GTF2IRD1: variants seen among roughly 807,000 people sequenced by gnomAD.
GTF2IRD1 encodes general transcription factor II-I repeat domain-containing protein 1.
In GTF2IRD1, 26 loss-of-function variants were observed where a neutral mutation model predicts 113.2. That is an observed-to-expected ratio of 0.23 (90% CI 0.17 to 0.32). The LOEUF is 0.32. Ranked by LOEUF, GTF2IRD1 falls within the 10% of genes least tolerant of loss-of-function variation. The probability of loss-of-function intolerance (pLI) is 1.00; values close to 1 mark genes in which losing one functional copy is unlikely to be tolerated. For synonymous variants in GTF2IRD1, 484 were observed against 529.1 expected (o/e 0.91, Z 1.17); for missense variants, 864 against 1,280.8 (o/e 0.67, Z 4.97).
chr7:74,532,768 C>T (rs61732196), intron 9 of GTF2IRD1, among the ~76,000 whole-genome samples: 1 of 152,152 alleles, frequency 6.6e-6, no homozygotes, highest in African/African-American at 2.4e-5. Context: ...AGCCTTGCAC[C>T]CCCGGCTCTG....
At chr7:74,557,049 T>C (rs1799642833) in intron 19 of GTF2IRD1, among the ~76,000 whole-genome samples, 1 of 152,124 alleles carries the variant, frequency 6.6e-6, no homozygotes, top group Non-Finnish European at 1.5e-5. Context: ...GAGGCCAGCC[T>C]GGGCAACATG....
chr7:74,471,540 G>A (rs1048328472), intron 1 of GTF2IRD1, among the ~76,000 whole-genome samples: 19 of 151,928 alleles, frequency 1.3e-4, no homozygotes, highest in African/African-American at 2.7e-4. Context: ...GCCAGGCACT[G>A]TGGCTTGCAC....
chr7:74,472,729 G>A (rs1794184145), intron 1 of GTF2IRD1, among the ~76,000 whole-genome samples: 1 of 152,216 alleles, frequency 6.6e-6, no homozygotes, highest in Admixed American at 6.5e-5. Context: ...TCCAGCCTGG[G>A]CAACAAGAGC....
chr7:74,591,452 C>T (rs1802059322), intron 24 of GTF2IRD1, among the ~76,000 whole-genome samples: 1 of 145,364 alleles, frequency 6.9e-6, no homozygotes, highest in Non-Finnish European at 1.5e-5. Flanking sequence ...GATCTCAGCT[C>T]ACTGCACGCT....
intron 4 of GTF2IRD1, among the ~76,000 whole-genome samples, chr7:74,517,365 C>G (rs890284956): frequency 6.6e-6 from 1 of 150,420 alleles, no homozygotes; most frequent in East Asian, 2.0e-4. Context: ...TGCTCCCTCT[C>G]CACTTCCTCT....
chr7:74,470,039 C>T (rs1793985068), intron 1 of GTF2IRD1, among the ~76,000 whole-genome samples: 1 of 152,048 alleles, frequency 6.6e-6, no homozygotes, highest in Non-Finnish European at 1.5e-5. Flanking sequence ...GCTCTGTTGG[C>T]CAGGCTGGAG....
chr7:74,562,164 C>T (rs587655810), intron 22 of GTF2IRD1, among the ~76,000 whole-genome samples: 3 of 152,344 alleles, frequency 2.0e-5, no homozygotes, highest in East Asian at 3.9e-4. Context: ...ACACGGTTCC[C>T]GAAGCCTGGC....
At chr7:74,516,973 A>C (rs1307931928) in intron 4 of GTF2IRD1, among the ~76,000 whole-genome samples, 1 of 145,196 alleles carries the variant, frequency 6.9e-6, no homozygotes, top group Non-Finnish European at 1.5e-5. Context: ...GCGTCTTCTC[A>C]GTCTGTCTCT....
chr7:74,590,996 T>C lies in GTF2IRD1; in HGVS notation c.2570T>C (p.Met857Thr). The change falls in exon 24 of 27, where the codon ATG becomes ACG. Residue 857 changes from methionine to threonine, a missense_variant. By Grantham distance (81) the Met-to-Thr change is moderately conservative. Around this residue, in one of 7 missense-constraint regions of GTF2IRD1, gnomAD observed 195 missense variants for 359.1 expected, o/e 0.54. Transcript: ENST00000424337. ...KILKAREHVRMVIINQLQPFA... is the reference protein window; with the variant it reads ...KILKAREHVRTVIINQLQPFA... Reference sequence around the variant, plus strand: ...CTGAAGGCCCGAGAGCATGTCCGCATGGTCATCATTAACCAGCTCCAGTGA... The same window carrying C: ...CTGAAGGCCCGAGAGCATGTCCGCACGGTCATCATTAACCAGCTCCAGTGA... 6.2e-7 allele frequency: 1 copy of C among 1,612,262 alleles called. No individual in the cohort carries two copies. Among genetic ancestry groups the C allele is most frequent in the Non-Finnish European group, 8.5e-7 (1 of 1,179,596 alleles).
At chr7:74,496,875 A>G (rs1213667618) in intron 1 of GTF2IRD1, among the ~76,000 whole-genome samples, 1 of 152,036 alleles carries the variant, frequency 6.6e-6, no homozygotes, top group Admixed American at 6.6e-5. Flanking sequence ...GAAAAATTCT[A>G]TTAAGGCCAG....
intron 1 of GTF2IRD1, among the ~76,000 whole-genome samples, chr7:74,479,700 A>G (rs1025274928): frequency 1.4e-5 from 2 of 147,606 alleles, no homozygotes; most frequent in African/African-American, 5.0e-5. Context: ...ACTTATTTTT[A>G]TCTTTCACTG....
intron 22 of GTF2IRD1, among the ~76,000 whole-genome samples, chr7:74,581,339 G>A (rs1801409365): frequency 1.3e-5 from 2 of 152,182 alleles, no homozygotes; most frequent in South Asian, 4.1e-4. Flanking sequence ...CTGCTTTACA[G>A]ATGAGGACAT....
chr7:74,474,354 C>T (rs1017556983), intron 1 of GTF2IRD1, among the ~76,000 whole-genome samples: 4 of 152,202 alleles, frequency 2.6e-5, no homozygotes, highest in Non-Finnish European at 5.9e-5. Flanking sequence ...GTGGGGAAAC[C>T]CCTCTGCCTC....
At chr7:74,568,089 G>C (rs1428501222) in intron 22 of GTF2IRD1, among the ~76,000 whole-genome samples, 2 of 150,588 alleles carry the variant, frequency 1.3e-5, no homozygotes, top group Non-Finnish European at 2.9e-5. Context: ...ACCCAGCCAA[G>C]AGAGGGTTTT....
At chr7:74,485,569 A>G (rs930974050) in intron 1 of GTF2IRD1, among the ~76,000 whole-genome samples, 1 of 151,690 alleles carries the variant, frequency 6.6e-6, no homozygotes, top group Non-Finnish European at 1.5e-5. Context: ...GTGAGCCGAG[A>G]TAGTGCCACT....
chr7:74,491,912 C>G (rs1228170479), intron 1 of GTF2IRD1, among the ~76,000 whole-genome samples: 1 of 152,226 alleles, frequency 6.6e-6, no homozygotes, highest in Non-Finnish European at 1.5e-5. Context: ...CACTGTCTTC[C>G]ACAATGGCTG....
chr7:74,569,197 G>A (rs1562878410), intron 22 of GTF2IRD1, among the ~76,000 whole-genome samples: 1 of 152,208 alleles, frequency 6.6e-6, no homozygotes, highest in Non-Finnish European at 1.5e-5. Context: ...CCTAGGCCAG[G>A]GGCCAGTCCC....
intron 1 of GTF2IRD1, among the ~76,000 whole-genome samples, chr7:74,468,097 A>G (rs1326470476): frequency 6.6e-6 from 1 of 152,140 alleles, no homozygotes; most frequent in Admixed American, 6.6e-5. Flanking sequence ...CCCAGTGTAC[A>G]CAGCTCCCCG....
intron 20 of GTF2IRD1, among the ~76,000 whole-genome samples, chr7:74,558,511 G>A (rs1799755189): frequency 6.6e-6 from 1 of 151,588 alleles, no homozygotes; most frequent in Admixed American, 6.6e-5. Context: ...ACCCCACTGG[G>A]CACTACCATG....
Sources: gnomAD v4.1 joint callset for allele counts (sites outside exome capture counted in the v4.1 genomes callset) on GRCh38, gnomAD v4.1.1 for gene constraint, gnomAD v4.1.1 regional missense constraint, MANE v1.5 for transcripts, NCBI Gene and HGNC (gene_info 2026-07-23, HGNC 2026-07-21) for gene names.